The following CDH23 variants were observed in gnomAD, a reference collection of about 807,000 sequenced individuals.
CDH23 encodes cadherin-23.
CDH23 carries 189 observed loss-of-function variants against 317.1 expected under a neutral mutation model. That is an observed-to-expected ratio of 0.60 (90% CI 0.53 to 0.67). The LOEUF (loss-of-function observed/expected upper bound fraction) is 0.67, where lower values mean the gene tolerates loss of function less well. CDH23 is among the 30% of genes least tolerant of loss of function. CDH23 has a pLI of 0.00. For missense variants in CDH23, 4,401 were observed against 4,592.4 expected, an observed-to-expected ratio of 0.96 and a Z score of 1.20; for synonymous variants, 1,839 against 1,876.8, an observed-to-expected ratio of 0.98 and a Z score of 0.52.
chr10:71,560,344 C>A (rs1030070181), intron 6 of CDH23, among the ~76,000 whole-genome samples: 16 of 151,848 alleles, frequency 1.1e-4, no homozygotes, highest in South Asian at 2.1e-4. Flanking sequence ...AAGTACCCTC[C>A]TTCCTTCCTA....
rs762287437 is a variant in CDH23 at position 71,682,564 on chromosome 10, G to A, written c.1978G>A (p.Glu660Lys). ...CAACAGCACCGTCCCTGTCACCATCGAGGTGTTTGTAAGTACCCAGGGCCA... is the reference window on the plus strand; with the variant it reads ...CAACAGCACCGTCCCTGTCACCATCAAGGTGTTTGTAAGTACCCAGGGCCA... ...PLNSTVPVTI[E>K]VFDENDNPPT... is the part of the protein sequence containing the mutation. The change falls in exon 18 of 70, where the codon GAG becomes AAG. Residue 660 changes from glutamate to lysine, a missense_variant. This residue lies in a region of CDH23 where 3,068 missense variants were observed against 3,203.3 expected (regional missense o/e 0.96). Transcript: ENST00000224721. 1.2e-5 allele frequency: 19 copies of A among 1,613,196 alleles called. No homozygotes were observed. The highest frequency in any genetic ancestry group is 3.3e-5 in the Admixed American group (2 of 59,926).
chr10:71,761,926 G>T (rs747433704), intron 38 of CDH23: 3 of 1,613,946 alleles, frequency 1.9e-6, no homozygotes, highest in Non-Finnish European at 2.5e-6. Flanking sequence ...CGTGCCCTTT[G>T]TCCACAGGGC....
intron 53 of CDH23, 69 bp downstream of exon 53, chr10:71,800,824 A>G (rs986869868): frequency 3.8e-6 from 6 of 1,579,754 alleles, no homozygotes; most frequent in Non-Finnish European, 5.2e-6. Flanking sequence ...CAAAGCCTCT[A>G]GCAAGTGGAC....
rs1047438616 is a variant in CDH23 at position 71,425,247 on chromosome 10, G to A, written c.-5-14580G>A. 7.6e-3 allele frequency among the ~76,000 whole-genome samples: 551 copies of A among 72,194 alleles called. 2 individuals carry two copies. The highest frequency in any genetic ancestry group is 0.013 in the Admixed American group (97 of 7,418). 47.4% of individuals were successfully genotyped at this position (72,194 alleles called of 152,430 possible). ...AGAGAGAGAGGGAGAGAGAGAGAGAGAGAGAGAGAGAGAGAGAGAGAGGAA... is the reference window on the plus strand; with the variant it reads ...AGAGAGAGAGGGAGAGAGAGAGAGAAAGAGAGAGAGAGAGAGAGAGAGGAA... On this transcript the variant is annotated intron_variant, in intron 1 of 69. Transcript: ENST00000224721.
At chr10:71,722,522 G>A (rs1214440694) in intron 28 of CDH23, among the ~76,000 whole-genome samples, 1 of 152,218 alleles carries the variant, frequency 6.6e-6, no homozygotes, top group Non-Finnish European at 1.5e-5. Context: ...TGACCCTACT[G>A]TGTGCCAGGA....
intron 20 of CDH23, among the ~76,000 whole-genome samples, chr10:71,693,526 G>T (rs1865262379): frequency 6.6e-6 from 1 of 152,200 alleles, no homozygotes; most frequent in African/African-American, 2.4e-5. Flanking sequence ...AGGTTGGATA[G>T]GTTGAACTGT....
At chr10:71,702,341 C>T in intron 23 of CDH23, 130 bp downstream of exon 23, 1 of 1,171,466 alleles carries the variant, frequency 8.5e-7, no homozygotes, top group Non-Finnish European at 1.2e-6. Context: ...GAGTAATACC[C>T]ACGCCCCAGT....
chr10:71,798,279 G>A, intron 49 of CDH23, 75 bp from the exon 50 acceptor site: 2 of 1,155,410 alleles, frequency 1.7e-6, no homozygotes, highest in South Asian at 1.3e-5. Flanking sequence ...ACCCGGCTTG[G>A]CTGAGGCTAA....
At chr10:71,487,772 C>T (rs536097502) in intron 3 of CDH23, among the ~76,000 whole-genome samples, 5 of 152,276 alleles carry the variant, frequency 3.3e-5, no homozygotes, top group Non-Finnish European at 7.4e-5. Context: ...ATGGGAACCC[C>T]ATGCCTAGAC....
intron 1 of CDH23, among the ~76,000 whole-genome samples, chr10:71,409,677 G>A (rs1312210627): frequency 6.6e-6 from 1 of 152,074 alleles, no homozygotes; most frequent in Non-Finnish European, 1.5e-5. Context: ...GTCAGCAGGG[G>A]CCTGACCCCT....
intron 9 of CDH23, among the ~76,000 whole-genome samples, chr10:71,587,780 C>T (rs1172126657): frequency 1.3e-5 from 2 of 152,342 alleles, no homozygotes; most frequent in South Asian, 2.1e-4. Context: ...CATCTGACTC[C>T]CTGGATGACT....
At chr10:71,497,893 A>T (rs1423052188) in intron 3 of CDH23, among the ~76,000 whole-genome samples, 1 of 152,186 alleles carries the variant, frequency 6.6e-6, no homozygotes, top group Non-Finnish European at 1.5e-5. Context: ...TATTCGGCCA[A>T]GTAGAGCTAC....
intron 17 of CDH23, among the ~76,000 whole-genome samples, chr10:71,680,093 C>T (rs1035500987): frequency 1.3e-5 from 2 of 152,352 alleles, no homozygotes; most frequent in South Asian, 4.1e-4. Flanking sequence ...GGTTGCCTTG[C>T]GAGCCTCAGC....
At chr10:71,414,487 C>G (rs896790936) in intron 1 of CDH23, among the ~76,000 whole-genome samples, 1 of 152,168 alleles carries the variant, frequency 6.6e-6, no homozygotes, top group African/African-American at 2.4e-5. Context: ...GTTAACCAAC[C>G]TTGCATTCTT....
intron 3 of CDH23, among the ~76,000 whole-genome samples, chr10:71,470,503 CTT>C (rs113613877): frequency 5.5e-5 from 8 of 146,122 alleles, no homozygotes; most frequent in East Asian, 2.0e-4. Context: ...TTTAATTTTA[CTT>C]TTTTTTTTTT....
Position 71,724,070 on chromosome 10 carries a change from G to A in CDH23, c.3395G>A (p.Gly1132Asp). Residue 1132 changes from glycine to aspartate, a missense_variant, in exon 29 of 70, where the codon GGC becomes GAC. Gly to Asp is a moderately conservative substitution (Grantham distance 94, BLOSUM62 -1). Transcript: ENST00000224721. Reference sequence around the variant, plus strand: ...CTGAAAGCCACGGACGCAGATGAGGGCGAGTTTGGGCGTGTGTGGTACCGC... The same window carrying A: ...CTGAAAGCCACGGACGCAGATGAGGACGAGTTTGGGCGTGTGTGGTACCGC... ...LQLKATDADE[G>D]EFGRVWYRIL... 1 of 1,560,312 alleles carries A rather than the reference G, an allele frequency of 6.4e-7. No homozygotes were observed. Among genetic ancestry groups the A allele is most frequent in the South Asian group, 1.2e-5 (1 of 84,462 alleles).
chr10:71,510,253 T>C (rs773101692), intron 4 of CDH23, 29 bp downstream of exon 4: 1 of 1,608,360 alleles, frequency 6.2e-7, no homozygotes, highest in Non-Finnish European at 8.5e-7. Flanking sequence ...CCTGCCCCAA[T>C]TCTCTCCTGG....
chr10:71,522,309 T>C (rs1287562901), intron 6 of CDH23, among the ~76,000 whole-genome samples: 2 of 152,128 alleles, frequency 1.3e-5, no homozygotes, highest in African/African-American at 2.4e-5. Flanking sequence ...CCCCTCCCTG[T>C]CCCTCTCCCT....
At chr10:71,647,111 G>C (rs868273061) in intron 14 of CDH23, 1 of 982,104 alleles carries the variant, frequency 1.0e-6, no homozygotes, top group Non-Finnish European at 1.2e-6. Context: ...GGTTGCAAGG[G>C]ACAGAAACCC....
Sources: gnomAD v4.1 joint callset for allele counts (sites outside exome capture counted in the v4.1 genomes callset) on GRCh38, gnomAD v4.1.1 for gene constraint, gnomAD v4.1.1 regional missense constraint, MANE v1.5 for transcripts, NCBI Gene and HGNC (gene_info 2026-07-23, HGNC 2026-07-21) for gene names.